Variants in PARD3 observed in about 807,000 individuals in gnomAD.
The protein encoded by PARD3 is par-3 family cell polarity regulator.
A neutral mutation model predicts 155.4 loss-of-function variants in PARD3; 75 were observed. The observed-to-expected ratio is 0.48, with a 90% CI of 0.40 to 0.58. PARD3 has a LOEUF of 0.58. Ranked by LOEUF, PARD3 falls within the 20% of genes least tolerant of loss-of-function variation. The pLI is 0.00. For missense variants in PARD3, 1,642 were observed against 1,721.7 expected, an observed-to-expected ratio of 0.95 and a Z score of 0.82; for synonymous variants, 576 against 610.5, an observed-to-expected ratio of 0.94 and a Z score of 0.83.
chr10:34,164,184 T>A (rs550565620), intron 22 of PARD3, among the ~76,000 whole-genome samples: 1 of 152,104 alleles, frequency 6.6e-6, no homozygotes, highest in Non-Finnish European at 1.5e-5. Flanking sequence ...AAAGGAAGAA[T>A]TGGCCATAAA....
intron 1 of PARD3, among the ~76,000 whole-genome samples, chr10:34,755,843 A>C (rs1314990973): frequency 6.6e-6 from 1 of 152,174 alleles, no homozygotes; most frequent in Non-Finnish European, 1.5e-5. Context: ...CAAATCAACA[A>C]GACAGGCATT....
intron 1 of PARD3, among the ~76,000 whole-genome samples, chr10:34,811,431 C>G (rs891812883): frequency 6.6e-6 from 1 of 152,176 alleles, no homozygotes; most frequent in African/African-American, 2.4e-5. Flanking sequence ...AGACCCAGAG[C>G]CCATCTGCCC....
chr10:34,777,698 T>C (rs1284086482), intron 1 of PARD3, among the ~76,000 whole-genome samples: 1 of 110,366 alleles, frequency 9.1e-6, no homozygotes, highest in East Asian at 2.1e-4. Context: ...AGTCAGCTAA[T>C]TTTTTTTTTT....
chr10:34,409,724 A>C (rs915995234), intron 5 of PARD3, among the ~76,000 whole-genome samples: 35 of 152,192 alleles, frequency 2.3e-4, no homozygotes, highest in African/African-American at 6.5e-4. Context: ...CTCTTTTCAG[A>C]AGTGGCTTGC....
intron 1 of PARD3, among the ~76,000 whole-genome samples, chr10:34,741,347 C>T (rs1044549714): frequency 1.7e-4 from 26 of 151,482 alleles, no homozygotes; most frequent in African/African-American, 6.3e-4. Flanking sequence ...CCACATCTGG[C>T]TAAGTTTTTT....
intron 2 of PARD3, among the ~76,000 whole-genome samples, chr10:34,591,825 T>G (rs1258716653): frequency 6.6e-6 from 1 of 152,178 alleles, no homozygotes; most frequent in African/African-American, 2.4e-5. Flanking sequence ...GTTTCTGTAC[T>G]CATTGTTACT....
intron 5 of PARD3, among the ~76,000 whole-genome samples, chr10:34,429,583 T>TGTTTTGTTTTG (rs1366351230): frequency 6.6e-6 from 1 of 151,378 alleles, no homozygotes; most frequent in African/African-American, 2.4e-5. Flanking sequence ...TGTTTTGTTT[T>TGTTTTGTTTTG]GTTTTGTTTT....
At chr10:34,244,673 T>G in intron 22 of PARD3, among the ~76,000 whole-genome samples, 1 of 152,198 alleles carries the variant, frequency 6.6e-6, no homozygotes, top group African/African-American at 2.4e-5. Flanking sequence ...AAAAATCTTA[T>G]ACAATCTAAT....
At chr10:34,217,293 GAT>G (rs1179821181) in intron 22 of PARD3, among the ~76,000 whole-genome samples, 1 of 152,106 alleles carries the variant, frequency 6.6e-6, no homozygotes, top group African/African-American at 2.4e-5. Flanking sequence ...TCACTTGGAA[GAT>G]AGAGTGTTAA....
At chr10:34,254,513 A>C (rs1183814793) in intron 22 of PARD3, among the ~76,000 whole-genome samples, 1 of 151,278 alleles carries the variant, frequency 6.6e-6, no homozygotes, top group Non-Finnish European at 1.5e-5. Context: ...ATGAAAGGTG[A>C]GTATTAACAT....
chr10:34,407,224 C>A (rs1053919793), intron 5 of PARD3, among the ~76,000 whole-genome samples: 8 of 152,122 alleles, frequency 5.3e-5, no homozygotes, highest in Non-Finnish European at 1.0e-4. Context: ...GGGGCTTCTC[C>A]GGTCTAACTA....
intron 2 of PARD3, among the ~76,000 whole-genome samples, chr10:34,631,359 GGGGT>G (rs1418142684): frequency 1.3e-5 from 2 of 152,154 alleles, no homozygotes; most frequent in African/African-American, 4.8e-5. Context: ...TGAGAGAGAA[GGGGT>G]GGGTGTAGCA....
chr10:34,159,430 T>C (rs1949167386), intron 22 of PARD3, among the ~76,000 whole-genome samples: 1 of 152,206 alleles, frequency 6.6e-6, no homozygotes, highest in Non-Finnish European at 1.5e-5. Flanking sequence ...TTAGGATAAC[T>C]ACCCATTAAA....
chr10:34,295,171 A>T (rs1287506175), intron 20 of PARD3, among the ~76,000 whole-genome samples: 3 of 152,162 alleles, frequency 2.0e-5, no homozygotes, highest in Non-Finnish European at 2.9e-5. Flanking sequence ...GTACAGCACT[A>T]AATATTATTT....
intron 2 of PARD3, among the ~76,000 whole-genome samples, chr10:34,666,918 C>T (rs946578643): frequency 3.3e-5 from 5 of 151,160 alleles, no homozygotes; most frequent in Admixed American, 2.0e-4. Context: ...CTTGTAATCC[C>T]AGCACTTTGG....
chr10:34,379,481 CAT>C (rs753795127), intron 9 of PARD3, among the ~76,000 whole-genome samples: 12 of 151,972 alleles, frequency 7.9e-5, no homozygotes, highest in Non-Finnish European at 1.2e-4. Context: ...GAGATTTTTC[CAT>C]ATGTCTCTGC....
chr10:34,199,750 CT>C (rs1588724563), intron 22 of PARD3, among the ~76,000 whole-genome samples: 2 of 152,220 alleles, frequency 1.3e-5, no homozygotes, highest in East Asian at 3.8e-4. Context: ...GCTTTCCCTT[CT>C]GAGCAAGTGA....
At chr10:34,534,134 C>T (rs543968638) in intron 2 of PARD3, among the ~76,000 whole-genome samples, 49 of 151,680 alleles carry the variant, frequency 3.2e-4, no homozygotes, top group Non-Finnish European at 6.0e-4. Flanking sequence ...GGCATGGTGG[C>T]GGGCGCCTGT....
intron 1 of PARD3, among the ~76,000 whole-genome samples, chr10:34,716,989 T>G (rs2094531398): frequency 6.6e-6 from 1 of 152,088 alleles, no homozygotes; most frequent in African/African-American, 2.4e-5. Context: ...TCATCAGATA[T>G]TGTTAGTGTA....
Sources: allele counts gnomAD v4.1 joint callset (sites outside exome capture counted in the v4.1 genomes callset), GRCh38; gene constraint gnomAD v4.1.1; transcripts MANE v1.5; gene names NCBI Gene and HGNC (gene_info 2026-07-23, HGNC 2026-07-21).